The following KDELR1 variants were observed in gnomAD, a reference collection of about 807,000 sequenced individuals.
KDELR1 encodes the protein ER lumen protein-retaining receptor 1.
A neutral mutation model predicts 25.5 loss-of-function variants in KDELR1; 16 were observed. The observed-to-expected ratio is 0.63, with a 90% CI of 0.43 to 0.95. The LOEUF (loss-of-function observed/expected upper bound fraction) is 0.95. Ranked by LOEUF, KDELR1 falls within the 40% of genes least tolerant of loss-of-function variation. The pLI is 0.00. For synonymous variants in KDELR1, 121 were observed against 115.0 expected (o/e 1.05, Z -0.33); for missense variants, 159 against 265.2 (o/e 0.60, Z 2.78).
At chr19:48,389,358 T>G in intron 3 of KDELR1, 195 bp downstream of exon 3, 1 of 614,298 alleles carries the variant, frequency 1.6e-6, no homozygotes, top group South Asian at 2.0e-5. Flanking sequence ...CTTAGGGTAG[T>G]GACTGACACA....
At position 48,384,490 on chromosome 19, in the gene KDELR1, G is replaced by C; in HGVS notation, c.352-8C>G. 6.2e-7 allele frequency: 1 copy of C among 1,610,720 alleles called. No homozygotes were observed. The highest frequency in any genetic ancestry group is 8.5e-7 in the Non-Finnish European group (1 of 1,178,364). On this transcript the variant is annotated splice_region_variant and splice_polypyrimidine_tract_variant and intron_variant, in intron 3 of 4. Coordinates refer to ENST00000330720, the MANE Select transcript of KDELR1 (RefSeq NM_006801.3). This position sits in a 1 kb window ranked among gnomAD's most constrained non-coding sequence, Gnocchi z 4.6. Reference sequence around the variant, plus strand: ...GGAGAAGGTCCAGAGGATCTGCAGAGAGGCCGGGGACATGATGAGGTGGGA... The same window carrying C: ...GGAGAAGGTCCAGAGGATCTGCAGACAGGCCGGGGACATGATGAGGTGGGA...
upstream of KDELR1, among the ~76,000 whole-genome samples, chr19:48,393,571 C>T (rs1489169972): frequency 1.3e-5 from 2 of 152,212 alleles, no homozygotes; most frequent in South Asian, 2.1e-4. This position sits in a 1 kb window ranked among gnomAD's most constrained non-coding sequence, Gnocchi z 5.6. Context: ...GGGCGGCCCC[C>T]TCCCCAAGCC....
Position 48,391,370 on chromosome 19 carries a change from C to A in KDELR1, c.-12G>T, listed in dbSNP as rs754281193. ...CGGAAGAGATTCATGGCTGGGGAAC[C>A]CTGGCAGGGCTGAGCGGGAGGGAGG... On this transcript the variant is annotated 5_prime_UTR_variant, in exon 1 of 5. Transcript: ENST00000330720. The A allele has an allele frequency of 1.7e-5, 26 of 1,550,204 alleles. No individual in the cohort carries two copies. In the East Asian group the frequency reaches 5.6e-4, roughly 33 times the overall value.
intron 2 of KDELR1, chr19:48,390,073 G>GCCCAGC (rs1336499286): frequency 7.5e-5 from 18 of 239,730 alleles, no homozygotes; most frequent in Non-Finnish European, 9.4e-5. Context: ...AGGAGTCCAG[G>GCCCAGC]CCCAGCCCCT....
In KDELR1 at chr19:48,391,405, G is replaced by A; in HGVS notation, c.-47C>T. 2.1e-6 allele frequency: 3 copies of A among 1,434,702 alleles called. No homozygotes were observed. The East Asian group carries it at 7.5e-5, about 36-fold the overall frequency. 88.9% of individuals were successfully genotyped at this position (1,434,702 alleles called of 1,614,324 possible). A position where few individuals can be genotyped will look rare whatever the true frequency, so the allele number is the denominator to read the frequency against. On this transcript the variant is annotated 5_prime_UTR_variant, in exon 1 of 5. Coordinates refer to ENST00000330720, the MANE Select transcript of KDELR1 (RefSeq NM_006801.3). The stretch of plus-strand genomic sequence containing the variant: ...CTGAGCGGGAGGGAGGCAGGCTGGC[G>A]GGGGGGTGCCCCCCGAGGCTGCTGG...
chr19:48,392,022 A>G (rs1368095667), upstream of KDELR1, among the ~76,000 whole-genome samples: 37 of 144,682 alleles, frequency 2.6e-4, no homozygotes, highest in Middle Eastern at 4.0e-3. Context: ...CAGACCCAGG[A>G]GTCCAGACCC....
intron 3 of KDELR1, among the ~76,000 whole-genome samples, chr19:48,389,196 G>A (rs1432503375): frequency 6.6e-6 from 1 of 152,146 alleles, no homozygotes; most frequent in Non-Finnish European, 1.5e-5. Context: ...CTTGAACCTG[G>A]GAGGCGGGGG....
upstream of KDELR1, among the ~76,000 whole-genome samples, chr19:48,394,483 G>T (rs1044931360): frequency 6.6e-6 from 1 of 150,868 alleles, no homozygotes; most frequent in Non-Finnish European, 1.5e-5. This position sits in a 1 kb window ranked among gnomAD's most constrained non-coding sequence, Gnocchi z 5.1. Flanking sequence ...GGCACAAAGC[G>T]GGGGTGCGAG....
At chr19:48,395,144 C>T (rs951992324), upstream of KDELR1, among the ~76,000 whole-genome samples, 5 of 151,922 alleles carry the variant, frequency 3.3e-5, no homozygotes, top group African/African-American at 9.7e-5. Flanking sequence ...TGAGTCCCTA[C>T]ACCTCAGACC....
rs1248784090 is a variant in KDELR1 at position 48,391,413 on chromosome 19, G to GC, written c.-56dup. On this transcript the variant is annotated 5_prime_UTR_variant, in exon 1 of 5. Transcript: ENST00000330720. ...GAGGGAGGCAGGCTGGCGGGGGGGT[G>GC]CCCCCCGAGGCTGCTGGTCTGAACG... is the stretch of plus-strand genomic sequence containing the variant. The GC allele has an allele frequency of 7.2e-6, 10 of 1,384,558 alleles. No individual in the cohort carries two copies. Among genetic ancestry groups the GC allele is most frequent in the Middle Eastern group, 1.9e-4 (1 of 5,362 alleles). The allele number at this position is 1,384,558 out of a possible 1,614,324, so 85.8% of individuals were successfully genotyped here.
upstream of KDELR1, chr19:48,391,564 G>C: frequency 1.7e-6 from 1 of 572,056 alleles, no homozygotes; most frequent in Non-Finnish European, 3.1e-6. Context: ...GGAGGAGAGC[G>C]AGAGGGGGAG....
chr19:48,391,173 G>GC lies in KDELR1; in HGVS notation c.91+94dup. On this transcript the variant is annotated intron_variant, in intron 1 of 4. Coordinates refer to ENST00000330720, the MANE Select transcript of KDELR1 (RefSeq NM_006801.3). ...AGCAAGCAGTGGGGGTGGAACCTGT[G>GC]CCCCTAGTGCCCCCAAACCCTTCCT... is the stretch of plus-strand genomic sequence containing the variant. 5.8e-6 allele frequency: 6 copies of GC among 1,038,916 alleles called. No individual in the cohort carries two copies. The South Asian group carries it at 8.2e-5, about 14-fold the overall frequency. 64.4% of individuals were successfully genotyped at this position (1,038,916 alleles called of 1,614,324 possible). A position where few individuals can be genotyped will look rare whatever the true frequency, so the allele number is the denominator to read the frequency against.
intron 3 of KDELR1, chr19:48,387,886 C>A (rs1970508975): frequency 6.6e-6 from 1 of 152,130 alleles, no homozygotes; most frequent in African/African-American, 2.4e-5. Context: ...CTGCCAGGCC[C>A]CAGGAGGCAA....
intron 2 of KDELR1, chr19:48,390,130 C>T: frequency 2.8e-6 from 1 of 362,166 alleles, no homozygotes; most frequent in Non-Finnish European, 5.0e-6. Context: ...CTCCCTCAGA[C>T]CCAGGAGTCC....
In KDELR1 at chr19:48,383,182, A is replaced by G; in HGVS notation, c.*111T>C. 1 of 1,142,736 alleles carries G rather than the reference A, an allele frequency of 8.8e-7. No homozygotes were observed. Among genetic ancestry groups the G allele is most frequent in the Non-Finnish European group, 1.3e-6 (1 of 779,518 alleles). The allele number at this position is 1,142,736 out of a possible 1,614,324, so 70.8% of individuals were successfully genotyped here. ...CCCGGCAGGAGGCGGGATGGGGAGC[A>G]CAAGAGGTGGGTTCTTAAAAAAGTC... On this transcript the variant is annotated 3_prime_UTR_variant, in exon 5 of 5. Coordinates refer to ENST00000330720, the MANE Select transcript of KDELR1 (RefSeq NM_006801.3).
the KDELR1 span, among the ~76,000 whole-genome samples, chr19:48,397,002 A>G: frequency 2.0e-5 from 3 of 152,086 alleles, no homozygotes; most frequent in African/African-American, 7.2e-5. Context: ...CAACCACCCC[A>G]GGCGGCTAGT....
At chr19:48,394,835 C>T (rs142614763), upstream of KDELR1, 241 of 154,830 alleles carry the variant, frequency 1.6e-3, 6 homozygotes, top group Non-Finnish European at 1.5e-3. The surrounding 1 kb of genome is among the most constrained non-coding windows in gnomAD (Gnocchi z 5.1). Context: ...TGCCCCCCGA[C>T]ATCGGCTCTC....
At chr19:48,396,046 T>C (rs1970635439), upstream of KDELR1, among the ~76,000 whole-genome samples, 3 of 152,164 alleles carry the variant, frequency 2.0e-5, no homozygotes, top group South Asian at 4.2e-4. Flanking sequence ...GGGATAGCGC[T>C]TCCGTCTGAG....
chr19:48,391,532 G>A lies in KDELR1; in HGVS notation c.-174C>T. ...GGGGGAGCAAAGGCTGGAGCTGGCG[G>A]CGGAGCTGGAGCCGGGAAGAGGGAG... On this transcript the variant is annotated 5_prime_UTR_variant, in exon 1 of 5. Coordinates refer to ENST00000330720, the MANE Select transcript of KDELR1 (RefSeq NM_006801.3). 1 of 599,174 alleles carries A rather than the reference G, an allele frequency of 1.7e-6. No homozygotes were observed. The highest frequency in any genetic ancestry group is 3.0e-6 in the Non-Finnish European group (1 of 336,152). The allele number at this position is 599,174 out of a possible 1,614,324, so 37.1% of individuals were successfully genotyped here. A position where few individuals can be genotyped will look rare whatever the true frequency, so the allele number is the denominator to read the frequency against.
Sources: gnomAD v4.1 joint callset for allele counts (sites outside exome capture counted in the v4.1 genomes callset) on GRCh38, gnomAD v4.1.1 for gene constraint, Gnocchi (gnomAD v3.1) non-coding constraint, MANE v1.5 for transcripts, NCBI Gene and HGNC (gene_info 2026-07-23, HGNC 2026-07-21) for gene names.